Variants in GLIS1 observed in about 807,000 individuals in gnomAD.
GLIS1 encodes GLIS family zinc finger 1, also known as zinc finger protein GLIS1.
GLIS1 carries 24 observed loss-of-function variants against 63.8 expected under a neutral mutation model. The ratio of observed to expected loss-of-function variants is 0.38; its 90% CI spans 0.27 to 0.53. GLIS1 has a LOEUF of 0.53. Among genes scored for constraint, GLIS1 ranks in the 20% least tolerant of loss-of-function variants. GLIS1 has a pLI of 0.85. For missense variants in GLIS1, 1,036 were observed against 1,074.1 expected, an observed-to-expected ratio of 0.96 and a Z score of 0.50; for synonymous variants, 450 against 482.5, an observed-to-expected ratio of 0.93 and a Z score of 0.88.
intron 2 of GLIS1, among the ~76,000 whole-genome samples, chr1:53,620,409 C>T (rs1645530414): frequency 6.6e-6 from 1 of 152,226 alleles, no homozygotes; most frequent in Non-Finnish European, 1.5e-5. Flanking sequence ...GGCACAACTT[C>T]CCCAAAGCTT....
At chr1:53,629,766 T>A (rs959649963) in intron 2 of GLIS1, among the ~76,000 whole-genome samples, 11 of 152,196 alleles carry the variant, frequency 7.2e-5, no homozygotes, top group Admixed American at 2.0e-4. Context: ...CTACTACATA[T>A]TATTATATTT....
chr1:53,506,809 G>A (rs1263118714), intron 10 of GLIS1, 33 bp from the exon 11 acceptor site: 1 of 1,590,654 alleles, frequency 6.3e-7, no homozygotes, highest in Non-Finnish European at 8.5e-7. Flanking sequence ...CAGCGCTGGA[G>A]GCAGCAGGGG....
chr1:53,670,924 G>A (rs1209002188), intron 2 of GLIS1, among the ~76,000 whole-genome samples: 1 of 152,256 alleles, frequency 6.6e-6, no homozygotes, highest in Admixed American at 6.5e-5. Flanking sequence ...CCAGAGGAAA[G>A]ACTGTGTAAT....
At chr1:53,559,764 G>A (rs1644868040) in intron 4 of GLIS1, among the ~76,000 whole-genome samples, 2 of 151,264 alleles carry the variant, frequency 1.3e-5, no homozygotes. Flanking sequence ...GTTTCTCTCT[G>A]ACACACACAG....
chr1:53,711,907 G>A (rs568720718), intron 2 of GLIS1, among the ~76,000 whole-genome samples: 46 of 152,216 alleles, frequency 3.0e-4, no homozygotes, highest in Non-Finnish European at 5.7e-4. Context: ...TGGGAAGGCA[G>A]GGCCTGATGA....
intron 2 of GLIS1, among the ~76,000 whole-genome samples, chr1:53,607,244 A>C (rs902263829): frequency 6.6e-6 from 1 of 152,196 alleles, no homozygotes; most frequent in Non-Finnish European, 1.5e-5. Context: ...TTTTTGACAA[A>C]AAGCAGGGAA....
At chr1:53,627,416 GT>G (rs2100227992) in intron 2 of GLIS1, among the ~76,000 whole-genome samples, 1 of 152,266 alleles carries the variant, frequency 6.6e-6, no homozygotes, top group South Asian at 2.1e-4. Flanking sequence ...CAAAGCAGAT[GT>G]GCCAAATTGA....
chr1:53,717,592 GA>G (rs1646713755), intron 2 of GLIS1, among the ~76,000 whole-genome samples: 1 of 152,152 alleles, frequency 6.6e-6, no homozygotes, highest in Non-Finnish European at 1.5e-5. Flanking sequence ...CACACTCACT[GA>G]AAATGTCAGA....
intron 4 of GLIS1, among the ~76,000 whole-genome samples, chr1:53,532,387 G>C (rs1644540439): frequency 6.6e-6 from 1 of 152,210 alleles, no homozygotes; most frequent in Non-Finnish European, 1.5e-5. Context: ...TTCCGGGACA[G>C]CTCCCTCTGC....
chr1:53,716,360 A>G (rs1453075459), intron 2 of GLIS1, among the ~76,000 whole-genome samples: 3 of 152,136 alleles, frequency 2.0e-5, no homozygotes, highest in Non-Finnish European at 4.4e-5. Context: ...CAAGGAAGGA[A>G]GTGAGGACAA....
chr1:53,606,910 GCTCACCT>G (rs1208509028), intron 2 of GLIS1, among the ~76,000 whole-genome samples: 1 of 152,172 alleles, frequency 6.6e-6, no homozygotes, highest in African/African-American at 2.4e-5. Context: ...ACCTGAGCAG[GCTCACCT>G]CAGGACGGCG....
intron 2 of GLIS1, among the ~76,000 whole-genome samples, chr1:53,725,402 G>A (rs544506904): frequency 6.6e-6 from 1 of 152,196 alleles, no homozygotes; most frequent in Non-Finnish European, 1.5e-5. Flanking sequence ...ACCCTGGCCA[G>A]GGGAGTGAGC....
chr1:53,597,222 A>T (rs544912767), intron 3 of GLIS1, among the ~76,000 whole-genome samples: 3 of 144,338 alleles, frequency 2.1e-5, no homozygotes, highest in African/African-American at 7.9e-5. Context: ...CACTACAAAA[A>T]ATTAGCCGGG....
chr1:53,540,040 C>T (rs1644626291), intron 4 of GLIS1, among the ~76,000 whole-genome samples: 1 of 152,232 alleles, frequency 6.6e-6, no homozygotes, highest in African/African-American at 2.4e-5. Context: ...TTGGCTCAAG[C>T]CTGAGGCCTT....
intron 1 of GLIS1, 48 bp from the exon 2 acceptor site, chr1:53,738,154 C>G: frequency 9.0e-7 from 1 of 1,117,008 alleles, no homozygotes; most frequent in Non-Finnish European, 1.1e-6. Flanking sequence ...AAAGCGGCCC[C>G]CGTATTGTCC....
chr1:53,610,271 A>T (rs1645412341), intron 2 of GLIS1, among the ~76,000 whole-genome samples: 1 of 152,194 alleles, frequency 6.6e-6, no homozygotes, highest in South Asian at 2.1e-4. Flanking sequence ...GTTAATATTT[A>T]AAAAAATACT....
At chr1:53,728,741 G>C (rs1449178918) in intron 2 of GLIS1, among the ~76,000 whole-genome samples, 1 of 152,240 alleles carries the variant, frequency 6.6e-6, no homozygotes, top group East Asian at 1.9e-4. Context: ...TATAAGAAAA[G>C]AAGGCCAGGT....
At chr1:53,595,061 G>A in intron 3 of GLIS1, 71 bp from the exon 4 acceptor site, 2 of 1,326,412 alleles carry the variant, frequency 1.5e-6, no homozygotes, top group East Asian at 2.8e-5. Flanking sequence ...GGTGGGGGCA[G>A]ACAGGGAAGC....
At chr1:53,667,265 T>C (rs190859306) in intron 2 of GLIS1, among the ~76,000 whole-genome samples, 13 of 152,344 alleles carry the variant, frequency 8.5e-5, no homozygotes, top group African/African-American at 3.1e-4. Context: ...CCCAAAGCTC[T>C]CCTTCTCTCA....
Sources: allele counts gnomAD v4.1 joint callset (sites outside exome capture counted in the v4.1 genomes callset), GRCh38; gene constraint gnomAD v4.1.1; transcripts MANE v1.5; gene names NCBI Gene and HGNC (gene_info 2026-07-23, HGNC 2026-07-21).